The following KCNK2 variants were observed in gnomAD, a reference collection of about 807,000 sequenced individuals.
The protein encoded by KCNK2 is potassium channel subfamily K member 2.
In KCNK2, 21 loss-of-function variants were observed where a neutral mutation model predicts 40.5. The ratio of observed to expected loss-of-function variants is 0.52; its 90% CI spans 0.37 to 0.75. The LOEUF is 0.75. Among genes scored for constraint, KCNK2 ranks in the 30% least tolerant of loss-of-function variants. KCNK2 has a pLI of 0.00. For missense variants in KCNK2, 399 were observed against 531.6 expected, an observed-to-expected ratio of 0.75 and a Z score of 2.45; for synonymous variants, 191 against 202.2, an observed-to-expected ratio of 0.94 and a Z score of 0.47.
intron 3 of KCNK2, among the ~76,000 whole-genome samples, chr1:215,155,965 A>G (rs952850332): frequency 3.9e-5 from 6 of 152,246 alleles, no homozygotes; most frequent in East Asian, 1.9e-4. Context: ...TCAATTATCC[A>G]TTAGTTAATA....
intron 1 of KCNK2, among the ~76,000 whole-genome samples, chr1:215,007,178 TGTGTGG>T (rs1234382803): frequency 0.012 from 876 of 74,070 alleles, 22 homozygotes; most frequent in Middle Eastern, 0.019. Context: ...TATATGTATG[TGTGTGG>T]GTATATATAT....
At chr1:215,227,635 A>C in intron 6 of KCNK2, among the ~76,000 whole-genome samples, 1 of 152,178 alleles carries the variant, frequency 6.6e-6, no homozygotes, top group Non-Finnish European at 1.5e-5. Flanking sequence ...TGTTCATTAC[A>C]GGGCAATTTG....
At chr1:215,150,564 T>G (rs918452041) in intron 3 of KCNK2, among the ~76,000 whole-genome samples, 4 of 152,164 alleles carry the variant, frequency 2.6e-5, no homozygotes, top group African/African-American at 9.6e-5. Flanking sequence ...TCTCTAAAAT[T>G]CTTGCATATA....
chr1:215,125,687 T>C (rs1661389959), intron 3 of KCNK2, among the ~76,000 whole-genome samples: 1 of 148,616 alleles, frequency 6.7e-6, no homozygotes, highest in Middle Eastern at 3.6e-3. Context: ...TGTATACATA[T>C]GTAACAAACC....
intron 1 of KCNK2, among the ~76,000 whole-genome samples, chr1:215,066,387 CT>C (rs1211328516): frequency 6.6e-6 from 1 of 152,056 alleles, no homozygotes; most frequent in Non-Finnish European, 1.5e-5. Context: ...CCCTGTATTC[CT>C]GTTTATTTTG....
At position 215,030,828 on chromosome 1, in the gene KCNK2, A is replaced by G. The variant is rs74369932; in HGVS notation, c.34+24873A>G. On this transcript the variant is annotated intron_variant, in intron 1 of 6. Transcript: ENST00000391895. ...TCCCAAAGTGCTGGGGATTATAGGC[A>G]TGAGTGACTACATCCAGCCTCTTGT... Among the ~76,000 whole-genome samples, 1,056 of 151,666 alleles carry G rather than the reference A, an allele frequency of 7.0e-3. 6 individuals carry two copies. Among genetic ancestry groups the G allele is most frequent in the Admixed American group, 0.018 (278 of 15,202 alleles).
upstream of KCNK2, among the ~76,000 whole-genome samples, chr1:215,079,795 C>A (rs907381182): frequency 1.3e-5 from 2 of 152,168 alleles, no homozygotes; most frequent in African/African-American, 4.8e-5. Flanking sequence ...TTACTTCAAA[C>A]AGCATGAGTA....
At chr1:215,086,746 C>T in intron 2 of KCNK2, 68 bp downstream of exon 2, 1 of 1,418,312 alleles carries the variant, frequency 7.1e-7, no homozygotes, top group Non-Finnish European at 9.8e-7. Flanking sequence ...GAGGAGACAA[C>T]TTGTAGCCCA....
chr1:215,188,931 G>C (rs960144825), intron 5 of KCNK2, among the ~76,000 whole-genome samples: 7 of 152,100 alleles, frequency 4.6e-5, no homozygotes, highest in African/African-American at 1.7e-4. Flanking sequence ...TTGTATATTA[G>C]ATACTGTGCT....
At chr1:215,062,116 TACATGGCTTTCATTAA>T in intron 1 of KCNK2, among the ~76,000 whole-genome samples, 1 of 152,258 alleles carries the variant, frequency 6.6e-6, no homozygotes, top group South Asian at 2.1e-4. Context: ...CTCTAACCAA[TACATGGCTTTCATTAA>T]ACACCAGACA....
rs182285648 is a variant in KCNK2 at position 215,063,220 on chromosome 1, T to G, written c.35-23148T>G. 1.0e-3 allele frequency among the ~76,000 whole-genome samples: 152 copies of G among 152,272 alleles called. 1 individual carries two copies. The highest frequency in any genetic ancestry group is 1.3e-3 in the Non-Finnish European group (88 of 68,028). On this transcript the variant is annotated intron_variant, in intron 1 of 6. Transcript: ENST00000391895. ...GACAGAATACAAAGCTGGAGAAACA[T>G]GCAATTGAAGAACATTCTATTTCTT...
intron 6 of KCNK2, among the ~76,000 whole-genome samples, chr1:215,200,086 A>G (rs1665022281): frequency 6.6e-6 from 1 of 152,184 alleles, no homozygotes; most frequent in Non-Finnish European, 1.5e-5. Flanking sequence ...CTTCTCTACC[A>G]ATATCATTTC....
intron 2 of KCNK2, among the ~76,000 whole-genome samples, chr1:215,118,364 C>T (rs955478791): frequency 2.6e-5 from 4 of 152,174 alleles, no homozygotes; most frequent in African/African-American, 7.2e-5. Flanking sequence ...ACTATTATCT[C>T]CCCACAAAGT....
intron 6 of KCNK2, among the ~76,000 whole-genome samples, chr1:215,230,313 T>C (rs1435649116): frequency 6.6e-6 from 1 of 150,410 alleles, no homozygotes; most frequent in African/African-American, 2.4e-5. Context: ...CATGTTACTG[T>C]AGTGAATACT....
chr1:215,102,021 C>T lies in KCNK2; in HGVS notation c.357+15343C>T, dbSNP rs764722985. Among the ~76,000 whole-genome samples, 27 of 151,638 alleles carry T rather than the reference C, an allele frequency of 1.8e-4. 1 individual carries two copies. The highest frequency in any genetic ancestry group is 2.8e-4 in the Non-Finnish European group (19 of 67,866). On this transcript the variant is annotated intron_variant, in intron 2 of 6. Coordinates refer to ENST00000444842, the MANE Select transcript of KCNK2 (RefSeq NM_001017425.3). ...TTTAAATTGATATATAATAGTTGTG[C>T]GTATCTTGGGTGTACGTGTGATATT...
intron 2 of KCNK2, among the ~76,000 whole-genome samples, chr1:215,117,249 A>G (rs1286981336): frequency 6.6e-6 from 1 of 152,108 alleles, no homozygotes; most frequent in African/African-American, 2.4e-5. Flanking sequence ...TATAAAATTT[A>G]ATTATCTTAA....
chr1:215,145,531 C>G (rs1662376699), intron 3 of KCNK2, among the ~76,000 whole-genome samples: 1 of 152,040 alleles, frequency 6.6e-6, no homozygotes, highest in Non-Finnish European at 1.5e-5. Context: ...TTACTTATGT[C>G]CACCAAGATC....
rs978950724 is a variant in KCNK2, at chr1:215,169,187, AT to A, written c.476-5del. ...CTATTATTCATTTGTAAACAATGTA[AT>A]TTTTTTAAAGGATTTGGAAACATCT... On this transcript the variant is annotated splice_polypyrimidine_tract_variant and intron_variant, in intron 3 of 6. Transcript: ENST00000444842. 1.9e-6 allele frequency: 3 copies of A among 1,583,612 alleles called. No individual in the cohort carries two copies. The highest frequency in any genetic ancestry group is 2.7e-5 in the African/African-American group (2 of 73,364).
At chr1:215,050,381 A>G (rs562492098) in intron 1 of KCNK2, among the ~76,000 whole-genome samples, 6 of 152,206 alleles carry the variant, frequency 3.9e-5, no homozygotes, top group Non-Finnish European at 7.3e-5. Context: ...TCATGTCATA[A>G]CTATTCATTA....
Sources: gnomAD v4.1 joint callset for allele counts (sites outside exome capture counted in the v4.1 genomes callset) on GRCh38, gnomAD v4.1.1 for gene constraint, MANE v1.5 for transcripts, NCBI Gene and HGNC (gene_info 2026-07-23, HGNC 2026-07-21) for gene names.